The following ADGRV1 variants were observed in gnomAD, a reference collection of about 807,000 sequenced individuals.
ADGRV1 encodes the protein G-protein coupled receptor 98.
ADGRV1 carries 359 observed loss-of-function variants against 596.2 expected under a neutral mutation model. That is an observed-to-expected ratio of 0.60 (90% CI 0.55 to 0.66). The LOEUF (loss-of-function observed/expected upper bound fraction) is 0.66, where lower values mean the gene tolerates loss of function less well. ADGRV1 is among the 30% of genes least tolerant of loss of function. ADGRV1 has a pLI of 0.00. For synonymous variants in ADGRV1, 2,681 were observed against 2,679.2 expected, an observed-to-expected ratio of 1.00 and a Z score of -0.02; for missense variants, 7,274 against 7,575.6, an observed-to-expected ratio of 0.96 and a Z score of 1.48.
At chr5:90,610,377 A>C (rs1762595379) in intron 1 of ADGRV1, among the ~76,000 whole-genome samples, 1 of 152,020 alleles carries the variant, frequency 6.6e-6, no homozygotes, top group African/African-American at 2.4e-5. Flanking sequence ...AATGTAAAGA[A>C]GCAAGATATT....
chr5:91,110,501 A>G (rs1792274552), intron 87 of ADGRV1, among the ~76,000 whole-genome samples: 1 of 152,062 alleles, frequency 6.6e-6, no homozygotes, highest in African/African-American at 2.4e-5. Flanking sequence ...TCCTAGCTCT[A>G]ATTATGTGCT....
chr5:90,713,050 G>A (rs1580831540), intron 42 of ADGRV1, among the ~76,000 whole-genome samples: 1 of 151,990 alleles, frequency 6.6e-6, no homozygotes, highest in Non-Finnish European at 1.5e-5. Context: ...GGGTTGGAAG[G>A]GCTCTTAAAA....
At position 90,621,140 on chromosome 5, in the gene ADGRV1, G is replaced by A. The variant is rs144624576; in HGVS notation, c.454-1457G>A. On this transcript the variant is annotated intron_variant, in intron 4 of 89. Transcript: ENST00000405460. The stretch of plus-strand genomic sequence containing the variant: ...ATCTCCAATACAACTGAATCTGGTC[G>A]CTAAATTTTAGACTCCAGTAACATT... Among the ~76,000 whole-genome samples, 49 of 152,172 alleles carry A rather than the reference G, an allele frequency of 3.2e-4. 1 individual carries two copies. In the East Asian group the frequency reaches 7.9e-3, roughly 25 times the overall value.
Position 90,774,289 on chromosome 5 carries a change from T to A in ADGRV1, c.12389T>A (p.Ile4130Lys). The change falls in exon 60 of 90, where the codon ATA (isoleucine) becomes AAA (lysine). Residue 4130 changes from isoleucine (I) to lysine (K), a missense_variant. Ile to Lys is a moderately radical substitution (Grantham distance 102). Transcript: ENST00000405460. The stretch of plus-strand genomic sequence containing the variant: ...CTGATATCAATTGATGAGGTAGAAA[T>A]ATCTCCAGTAAAAGGTAAGAGAAAT... ...IQLISIDEVEISPVKGSASII... is the reference protein window; with the variant it reads ...IQLISIDEVEKSPVKGSASII... 1 of 1,543,788 alleles carries A rather than the reference T, an allele frequency of 6.5e-7. No individual in the cohort carries two copies. The highest frequency in any genetic ancestry group is 9.0e-7 in the Non-Finnish European group (1 of 1,116,306).
chr5:90,813,991 C>T (rs1762683769), intron 74 of ADGRV1, among the ~76,000 whole-genome samples: 1 of 152,120 alleles, frequency 6.6e-6, no homozygotes, highest in Non-Finnish European at 1.5e-5. Flanking sequence ...TCATTAGAAT[C>T]ATGCTAGTTG....
At chr5:91,007,122 A>C (rs1311286307) in intron 85 of ADGRV1, among the ~76,000 whole-genome samples, 11 of 152,184 alleles carry the variant, frequency 7.2e-5, no homozygotes, top group Admixed American at 7.2e-4. Flanking sequence ...GCCTTAACTA[A>C]TCGTAATTAA....
At chr5:90,733,669 C>G (rs1006245713) in intron 50 of ADGRV1, among the ~76,000 whole-genome samples, 3 of 152,056 alleles carry the variant, frequency 2.0e-5, no homozygotes, top group South Asian at 2.1e-4. Flanking sequence ...TTTTAATTTA[C>G]AAGTTATAAT....
intron 34 of ADGRV1, among the ~76,000 whole-genome samples, chr5:90,697,369 C>G (rs1029096209): frequency 5.3e-5 from 8 of 152,086 alleles, no homozygotes; most frequent in African/African-American, 1.9e-4. Context: ...CCATTCTCTA[C>G]TGGTATGATT....
intron 85 of ADGRV1, among the ~76,000 whole-genome samples, chr5:91,025,244 A>G (rs1434156149): frequency 6.6e-6 from 1 of 152,166 alleles, no homozygotes; most frequent in African/African-American, 2.4e-5. Flanking sequence ...CATGCAGAAT[A>G]TAACTTGCAT....
chr5:90,806,271 CAGAA>C (rs916342045), intron 72 of ADGRV1, among the ~76,000 whole-genome samples: 2 of 152,224 alleles, frequency 1.3e-5, no homozygotes, highest in Non-Finnish European at 2.9e-5. Flanking sequence ...TCCCAGAAAA[CAGAA>C]AGAGAGAAAT....
intron 87 of ADGRV1, among the ~76,000 whole-genome samples, chr5:91,146,563 C>G (rs568282578): frequency 6.6e-6 from 1 of 152,280 alleles, no homozygotes; most frequent in Admixed American, 6.5e-5. Context: ...TGAGTCCCTA[C>G]CCAGTGATTC....
At position 90,774,236 on chromosome 5, in the gene ADGRV1, G is replaced by T. The variant is rs1410449572; in HGVS notation, c.12336G>T (p.Leu4112Phe). ...IVLHTLQDTV[L>F]EEDRRFTIQL... The stretch of plus-strand genomic sequence containing the variant: ...TGCACACACTTCAAGACACAGTGTT[G>T]GAGGAGGACAGGCGTTTCACCATTC... The change falls in exon 60 of 90, where the codon TTG becomes TTT. Residue 4112 changes from leucine (L) to phenylalanine (F), a missense_variant. Coordinates refer to ENST00000405460, the MANE Select transcript of ADGRV1 (RefSeq NM_032119.4). The T allele has an allele frequency of 1.2e-6, 2 of 1,611,528 alleles. No individual in the cohort carries two copies. Among genetic ancestry groups the T allele is most frequent in the Admixed American group, 1.7e-5 (1 of 59,908 alleles).
intron 83 of ADGRV1, among the ~76,000 whole-genome samples, chr5:90,904,281 A>G (rs1307556125): frequency 6.6e-6 from 1 of 152,140 alleles, no homozygotes; most frequent in Non-Finnish European, 1.5e-5. Flanking sequence ...TATACCCAGC[A>G]GGGGGATTGC....
At position 91,150,230 on chromosome 5, in the gene ADGRV1, C is replaced by CCTTG. The variant is rs752011588; in HGVS notation, c.18624+11_18624+14dup. 4 of 1,519,908 alleles carry CCTTG rather than the reference C, an allele frequency of 2.6e-6. No homozygotes were observed. In the South Asian group the frequency reaches 5.3e-5, roughly 20 times the overall value. 94.2% of individuals were successfully genotyped at this position (1,519,908 alleles called of 1,614,324 possible). A position where few individuals can be genotyped will look rare whatever the true frequency, so the allele number is the denominator to read the frequency against. ...TCGGTGCTATGGAGGAGGTGTCTGC[C>CCTTG]CTTGCCCTTTCATTCTCTGTCTCTC... is the stretch of plus-strand genomic sequence containing the variant. On this transcript the variant is annotated intron_variant, in intron 88 of 89. Coordinates refer to ENST00000405460, the MANE Select transcript of ADGRV1 (RefSeq NM_032119.4).
At chr5:90,973,360 G>A (rs1163278550) in intron 84 of ADGRV1, among the ~76,000 whole-genome samples, 1 of 152,178 alleles carries the variant, frequency 6.6e-6, no homozygotes, top group East Asian at 1.9e-4. Flanking sequence ...TATGAGGCCA[G>A]CATCATCCTG....
At chr5:91,109,204 A>G (rs940783802) in intron 87 of ADGRV1, among the ~76,000 whole-genome samples, 1 of 152,178 alleles carries the variant, frequency 6.6e-6, no homozygotes, top group African/African-American at 2.4e-5. Flanking sequence ...CTTTTACTCA[A>G]ATTCTTATTG....
intron 33 of ADGRV1, among the ~76,000 whole-genome samples, chr5:90,696,568 C>T (rs1023503568): frequency 2.0e-5 from 3 of 152,034 alleles, no homozygotes; most frequent in African/African-American, 7.2e-5. Context: ...ACTCCACTTT[C>T]CTAAAGGGAG....
chr5:90,845,416 GT>G (rs1200272370), intron 78 of ADGRV1, among the ~76,000 whole-genome samples: 5 of 151,272 alleles, frequency 3.3e-5, no homozygotes, highest in Middle Eastern at 6.8e-3. Flanking sequence ...AAGAAACTTT[GT>G]TTTTTTTTAA....
In ADGRV1 at chr5:90,641,029, G is replaced by A. The variant is rs868692794; in HGVS notation, c.2241-1607G>A. ...TTTGTGTGCAGTTTCATTTTCTAAT[G>A]ATAAGGGGAGCTTACACAAAGTTGT... On this transcript the variant is annotated intron_variant, in intron 11 of 89. Coordinates refer to ENST00000405460, the MANE Select transcript of ADGRV1 (RefSeq NM_032119.4). Among the ~76,000 whole-genome samples, 8 of 152,312 alleles carry A rather than the reference G, an allele frequency of 5.3e-5. No homozygotes were observed. The South Asian group carries it at 6.2e-4, about 12-fold the overall frequency.
Sources: allele counts gnomAD v4.1 joint callset (sites outside exome capture counted in the v4.1 genomes callset), GRCh38; gene constraint gnomAD v4.1.1; transcripts MANE v1.5; gene names NCBI Gene and HGNC (gene_info 2026-07-23, HGNC 2026-07-21).